The following WASF1 variants were observed in gnomAD, a reference collection of about 807,000 sequenced individuals.
WASF1 encodes the protein WASP family member 1, also known as actin-binding protein WASF1.
Under a neutral mutation model 50.5 loss-of-function variants are expected in WASF1, and 7 were observed. The observed-to-expected ratio is 0.14, with a 90% CI of 0.08 to 0.26. The LOEUF is 0.26. Among genes scored for constraint, WASF1 ranks in the 10% least tolerant of loss-of-function variants. The pLI, the probability that WASF1 is intolerant of heterozygous loss-of-function variation, is 1.00. For synonymous variants in WASF1, 205 were observed against 244.0 expected, an observed-to-expected ratio of 0.84 and a Z score of 1.49; for missense variants, 470 against 694.7, an observed-to-expected ratio of 0.68 and a Z score of 3.64.
At chr6:110,168,740 T>C (rs562820068) in intron 2 of WASF1, among the ~76,000 whole-genome samples, 1 of 152,244 alleles carries the variant, frequency 6.6e-6, no homozygotes, top group East Asian at 1.9e-4. Flanking sequence ...GCACATCAAG[T>C]GTCTGTGCAC....
intron 5 of WASF1, among the ~76,000 whole-genome samples, chr6:110,111,791 T>G (rs552708047): frequency 2.6e-5 from 4 of 151,800 alleles, no homozygotes; most frequent in African/African-American, 9.7e-5. Flanking sequence ...GGAAACAGAG[T>G]GACTGCTAAT....
Position 110,101,865 on chromosome 6 carries a change from G to A in WASF1, c.1245C>T (p.Leu415=). 6.2e-7 allele frequency: 1 copy of A among 1,613,982 alleles called. No homozygotes were observed. Among genetic ancestry groups the A allele is most frequent in the East Asian group, 2.2e-5 (1 of 44,874 alleles). Residue 415 remains leucine (L), a synonymous_variant, in exon 10 of 11, where the codon CTC becomes CTT. Coordinates refer to ENST00000392589, the MANE Select transcript of WASF1 (RefSeq NM_003931.3). ...GCAGCCCCTGAACTTCACCTTGTGG[G>A]AGTGGATGAACTGGTACAGTCTCAC... The part of the protein sequence containing the change: ...PVCETVPVHP[L]PQGEVQGLPP...
chr6:110,107,718 G>C (rs1366025685), intron 6 of WASF1, among the ~76,000 whole-genome samples: 1 of 152,098 alleles, frequency 6.6e-6, no homozygotes, highest in Non-Finnish European at 1.5e-5. Flanking sequence ...TTTTATTCAG[G>C]TTGTGTTGTA....
rs1179404074 is a variant in WASF1 at position 110,169,893 on chromosome 6, A to C, written c.-127+8705T>G. Among the ~76,000 whole-genome samples, 3 of 152,292 alleles carry C rather than the reference A, an allele frequency of 2.0e-5. No individual in the cohort carries two copies. The East Asian group carries it at 5.8e-4, about 29-fold the overall frequency. On this transcript the variant is annotated intron_variant, in intron 2 of 10. Transcript: ENST00000392589. The stretch of plus-strand genomic sequence containing the variant: ...AAAATGTTTCCAAAATTAAGAAACC[A>C]AACAGCAAATCCATGAAGCTCAGAG...
At chr6:110,103,082 C>T (rs1473770271) in intron 9 of WASF1, among the ~76,000 whole-genome samples, 7 of 152,140 alleles carry the variant, frequency 4.6e-5, no homozygotes, top group African/African-American at 1.4e-4. Context: ...TCTTTAAATT[C>T]TTATTAGCTA....
At chr6:110,107,781 T>G (rs1332964769) in intron 6 of WASF1, among the ~76,000 whole-genome samples, 1 of 152,196 alleles carries the variant, frequency 6.6e-6, no homozygotes, top group Admixed American at 6.5e-5. Context: ...GGCTAAATAA[T>G]TCCAGATTTT....
chr6:110,133,008 T>TA (rs1274437328), intron 3 of WASF1, among the ~76,000 whole-genome samples: 2 of 145,188 alleles, frequency 1.4e-5, no homozygotes, highest in Non-Finnish European at 3.0e-5. Context: ...TACACAGCCA[T>TA]AAAAAAGAAT....
intron 8 of WASF1, among the ~76,000 whole-genome samples, chr6:110,103,859 C>A (rs1031899978): frequency 6.6e-6 from 1 of 152,114 alleles, no homozygotes; most frequent in Non-Finnish European, 1.5e-5. Flanking sequence ...ATTTAATAAA[C>A]AAGAAAATAA....
chr6:110,154,778 A>C (rs190108202), intron 3 of WASF1, among the ~76,000 whole-genome samples: 1 of 152,228 alleles, frequency 6.6e-6, no homozygotes, highest in Non-Finnish European at 1.5e-5. Context: ...GAAGATTTTA[A>C]ATATTTTTCA....
intron 8 of WASF1, 109 bp from the exon 9 acceptor site, chr6:110,103,666 A>C (rs989515607): frequency 5.9e-6 from 6 of 1,020,980 alleles, no homozygotes; most frequent in Non-Finnish European, 8.1e-6. Flanking sequence ...CCAATATTTT[A>C]ACTATTTTTA....
chr6:110,167,762 A>G (rs1263835710), intron 2 of WASF1, among the ~76,000 whole-genome samples: 1 of 152,052 alleles, frequency 6.6e-6, no homozygotes, highest in African/African-American at 2.4e-5. Flanking sequence ...TCAAATAGAA[A>G]CAACATAATT....
chr6:110,113,106 GTGTACAAA>G (rs1773641727), intron 5 of WASF1, among the ~76,000 whole-genome samples: 1 of 152,092 alleles, frequency 6.6e-6, no homozygotes, highest in Non-Finnish European at 1.5e-5. Context: ...GAGCTGTTTA[GTGTACAAA>G]AAGAAGAGAT....
At chr6:110,119,464 C>T (rs1267986364) in intron 4 of WASF1, among the ~76,000 whole-genome samples, 1 of 152,142 alleles carries the variant, frequency 6.6e-6, no homozygotes. Context: ...TTCCTGGACA[C>T]ATACACCCTC....
chr6:110,106,201 G>A (rs559048704), intron 7 of WASF1, among the ~76,000 whole-genome samples: 5 of 152,312 alleles, frequency 3.3e-5, no homozygotes, highest in African/African-American at 1.2e-4. Context: ...GAAGCCAGTC[G>A]GGTGTAAGAT....
At chr6:110,135,056 G>A (rs1208739657) in intron 3 of WASF1, among the ~76,000 whole-genome samples, 2 of 152,088 alleles carry the variant, frequency 1.3e-5, no homozygotes, top group Non-Finnish European at 2.9e-5. Context: ...GCAGTGTTTT[G>A]TAGTTTTCCT....
chr6:110,147,178 T>A (rs1453814425), intron 3 of WASF1, among the ~76,000 whole-genome samples: 3 of 151,900 alleles, frequency 2.0e-5, no homozygotes, highest in Non-Finnish European at 4.4e-5. Context: ...AAACCCCATC[T>A]CTACTAAAAA....
chr6:110,132,660 A>G (rs1399402851), intron 3 of WASF1, among the ~76,000 whole-genome samples: 4 of 151,852 alleles, frequency 2.6e-5, no homozygotes, highest in Non-Finnish European at 5.9e-5. Context: ...ACTGTACCCA[A>G]TGTGTAGTCT....
chr6:110,103,271 G>T, intron 9 of WASF1, 107 bp downstream of exon 9: 1 of 1,246,394 alleles, frequency 8.0e-7, no homozygotes, highest in Non-Finnish European at 1.1e-6. Context: ...GAGTACTTGT[G>T]ACAAAAACTG....
intron 3 of WASF1, among the ~76,000 whole-genome samples, chr6:110,138,019 C>G (rs541418403): frequency 2.0e-5 from 3 of 152,356 alleles, no homozygotes; most frequent in African/African-American, 7.2e-5. Context: ...CTCACTCAGC[C>G]TGGCAGGCTG....
Sources: gnomAD v4.1 joint callset for allele counts (sites outside exome capture counted in the v4.1 genomes callset) on GRCh38, gnomAD v4.1.1 for gene constraint, MANE v1.5 for transcripts, NCBI Gene and HGNC (gene_info 2026-07-23, HGNC 2026-07-21) for gene names.